Variants in ADK observed in about 807,000 individuals in gnomAD.
The protein encoded by ADK is adenosine kinase.
ADK carries 24 observed loss-of-function variants against 44.7 expected under a neutral mutation model. That is an observed-to-expected ratio of 0.54 (90% CI 0.39 to 0.76). ADK has a LOEUF of 0.76. Among genes scored for constraint, ADK ranks in the 30% least tolerant of loss-of-function variants. The pLI, the probability that ADK is intolerant of heterozygous loss-of-function variation, is 0.00. For synonymous variants in ADK, 128 were observed against 142.6 expected (o/e 0.90, Z 0.73); for missense variants, 321 against 425.1 (o/e 0.76, Z 2.15).
chr10:74,587,702 A>C (rs1174895429), intron 7 of ADK, among the ~76,000 whole-genome samples: 2 of 150,278 alleles, frequency 1.3e-5, no homozygotes, highest in Non-Finnish European at 3.0e-5. Context: ...GAAGAATGTG[A>C]GTTAAGATGT....
chr10:74,655,977 G>T, intron 9 of ADK: 1 of 689,754 alleles, frequency 1.4e-6, no homozygotes, highest in Non-Finnish European at 2.7e-6. Context: ...GGTGACTCTG[G>T]ACGTGACCAT....
intron 3 of ADK, among the ~76,000 whole-genome samples, chr10:74,229,903 G>A (rs912760246): frequency 2.6e-5 from 4 of 152,030 alleles, no homozygotes; most frequent in African/African-American, 9.7e-5. Flanking sequence ...GCCGGATGTG[G>A]TGGTGCCTGC....
At chr10:74,241,733 T>G (rs1301763765) in intron 3 of ADK, among the ~76,000 whole-genome samples, 3 of 150,966 alleles carry the variant, frequency 2.0e-5, no homozygotes, top group Non-Finnish European at 4.4e-5. Context: ...GACAAGGCCT[T>G]GCTCTGTCTC....
At chr10:74,599,608 A>C (rs1005461226) in intron 8 of ADK, among the ~76,000 whole-genome samples, 1 of 152,250 alleles carries the variant, frequency 6.6e-6, no homozygotes, top group Non-Finnish European at 1.5e-5. Context: ...TTTTCAAATT[A>C]TCCAAAATGG....
chr10:74,660,306 T>G (rs1564840595), intron 9 of ADK, among the ~76,000 whole-genome samples: 1 of 152,036 alleles, frequency 6.6e-6, no homozygotes, highest in Non-Finnish European at 1.5e-5. Flanking sequence ...TTTTTTTGTA[T>G]TTTTTTGTAG....
chr10:74,631,435 T>G (rs1853419769), intron 9 of ADK, among the ~76,000 whole-genome samples: 1 of 151,588 alleles, frequency 6.6e-6, no homozygotes, highest in South Asian at 2.1e-4. Context: ...TTTTTTTTTT[T>G]TAGTAGAGAT....
chr10:74,440,258 CT>C (rs1845353539), intron 6 of ADK, among the ~76,000 whole-genome samples: 1 of 152,030 alleles, frequency 6.6e-6, no homozygotes, highest in Non-Finnish European at 1.5e-5. Context: ...TCTCAGTAGC[CT>C]TCTGAGTTAA....
chr10:74,289,833 CA>C lies in ADK; in HGVS notation c.195-24821del, dbSNP rs34417435. 1.3e-3 allele frequency among the ~76,000 whole-genome samples: 180 copies of C among 135,928 alleles called. 1 individual carries two copies. Among genetic ancestry groups the C allele is most frequent in the Middle Eastern group, 7.4e-3 (2 of 272 alleles). 89.2% of individuals were successfully genotyped at this position (135,928 alleles called of 152,430 possible). On this transcript the variant is annotated intron_variant, in intron 3 of 10. Coordinates refer to ENST00000539909, the MANE Select transcript of ADK (RefSeq NM_006721.4). ...GATGAGTTTTTCTTTTTTAGTGGGC[CA>C]AAAAAAAAAAAAGGAAAGAAAATTC...
At chr10:74,472,639 A>T (rs1589145443) in intron 6 of ADK, among the ~76,000 whole-genome samples, 1 of 152,238 alleles carries the variant, frequency 6.6e-6, no homozygotes, top group African/African-American at 2.4e-5. Context: ...TACTAGCTAC[A>T]TGTGGCTCTT....
intron 10 of ADK, among the ~76,000 whole-genome samples, chr10:74,704,842 T>C (rs776490937): frequency 2.0e-5 from 3 of 152,234 alleles, no homozygotes; most frequent in Non-Finnish European, 4.4e-5. Flanking sequence ...TGGCATCTGC[T>C]CCATTCACTG....
intron 4 of ADK, among the ~76,000 whole-genome samples, chr10:74,366,600 T>C (rs1313461722): frequency 1.3e-5 from 2 of 152,040 alleles, no homozygotes; most frequent in African/African-American, 4.8e-5. Context: ...ATGTCATACA[T>C]AGAGAACCAA....
At position 74,527,372 on chromosome 10, in the gene ADK, C is replaced by CA. The variant is rs35990549; in HGVS notation, c.726+1959dup. 4.2e-3 allele frequency among the ~76,000 whole-genome samples: 579 copies of CA among 138,566 alleles called. 5 individuals carry two copies. Among genetic ancestry groups the CA allele is most frequent in the Middle Eastern group, 7.4e-3 (2 of 270 alleles). 90.9% of individuals were successfully genotyped at this position (138,566 alleles called of 152,430 possible). ...GACTCCGTCTCAAAAAACAAACAAACAAAAAAAAAAAAACATAAATATGAT... is the reference window on the plus strand; with the variant it reads ...GACTCCGTCTCAAAAAACAAACAAACAAAAAAAAAAAAAACATAAATATGAT... On this transcript the variant is annotated intron_variant, in intron 7 of 10. Coordinates refer to ENST00000539909, the MANE Select transcript of ADK (RefSeq NM_006721.4).
At position 74,686,282 on chromosome 10, in the gene ADK, C is replaced by T. The variant is rs1855785515; in HGVS notation, c.964+16013C>T. Among the ~76,000 whole-genome samples the T allele has an allele frequency of 3.3e-5, 5 of 151,954 alleles. No individual in the cohort carries two copies. In the South Asian group the frequency reaches 1.0e-3, roughly 32 times the overall value. On this transcript the variant is annotated intron_variant, in intron 10 of 10. Transcript: ENST00000539909. ...GGCCCCAAAAGATGTGGTTTTAAGT[C>T]CTGGTACCACATTAACTAGTTGTGG...
chr10:74,176,756 C>T, intron 1 of ADK: 2 of 1,549,732 alleles, frequency 1.3e-6, no homozygotes, highest in East Asian at 2.3e-5. Flanking sequence ...TGTGAGGACG[C>T]GCTCCCAGTC....
chr10:74,303,730 G>T (rs1438563590), intron 3 of ADK, among the ~76,000 whole-genome samples: 1 of 151,464 alleles, frequency 6.6e-6, no homozygotes, highest in Non-Finnish European at 1.5e-5. Context: ...CACTTTGGGA[G>T]GCTGAGGCGG....
chr10:74,495,482 A>G (rs1195323709), intron 6 of ADK, among the ~76,000 whole-genome samples: 1 of 152,078 alleles, frequency 6.6e-6, no homozygotes, highest in African/African-American at 2.4e-5. Context: ...ATTTACATGC[A>G]CCTTCTCCAG....
chr10:74,665,779 GAGACAGAC>G (rs1199184426), intron 9 of ADK, among the ~76,000 whole-genome samples: 45 of 139,020 alleles, frequency 3.2e-4, no homozygotes, highest in African/African-American at 1.2e-3. Context: ...GAGAGAGAGA[GAGACAGAC>G]AGACAGAAGG....
chr10:74,663,396 C>T (rs1345306318), intron 9 of ADK, among the ~76,000 whole-genome samples: 1 of 151,766 alleles, frequency 6.6e-6, no homozygotes, highest in African/African-American at 2.4e-5. Flanking sequence ...AATAAAGTAC[C>T]TGACACATGG....
intron 6 of ADK, among the ~76,000 whole-genome samples, chr10:74,411,931 C>T (rs1032700657): frequency 2.0e-5 from 3 of 152,204 alleles, no homozygotes; most frequent in African/African-American, 7.2e-5. Context: ...GATTCCATGT[C>T]AAGAAACCAC....
Sources: gnomAD v4.1 joint callset for allele counts (sites outside exome capture counted in the v4.1 genomes callset) on GRCh38, gnomAD v4.1.1 for gene constraint, MANE v1.5 for transcripts, NCBI Gene and HGNC (gene_info 2026-07-23, HGNC 2026-07-21) for gene names.